NRG3: variants seen among roughly 807,000 people sequenced by gnomAD.
NRG3 encodes the protein neuregulin 3, also known as pro-neuregulin-3, membrane-bound isoform.
A neutral mutation model predicts 66.9 loss-of-function variants in NRG3; 31 were observed. That is an observed-to-expected ratio of 0.46 (90% CI 0.35 to 0.63). The LOEUF (loss-of-function observed/expected upper bound fraction) is 0.63, where lower values mean the gene tolerates loss of function less well. Among genes scored for constraint, NRG3 ranks in the 20% least tolerant of loss-of-function variants. The pLI, the probability that NRG3 is intolerant of heterozygous loss-of-function variation, is 0.00. For missense variants in NRG3, 910 were observed against 878.9 expected, an observed-to-expected ratio of 1.04 and a Z score of -0.45; for synonymous variants, 393 against 359.4, an observed-to-expected ratio of 1.09 and a Z score of -1.06.
chr10:82,878,228 G>T (rs766464126), intron 4 of NRG3, among the ~76,000 whole-genome samples: 2 of 152,212 alleles, frequency 1.3e-5, no homozygotes, highest in Non-Finnish European at 2.9e-5. Flanking sequence ...GGACAAACTT[G>T]ATGTAGTTGG....
At chr10:82,638,198 T>C (rs1273964222) in intron 2 of NRG3, among the ~76,000 whole-genome samples, 2 of 152,176 alleles carry the variant, frequency 1.3e-5, no homozygotes, top group African/African-American at 4.8e-5. Context: ...GATGAAATGC[T>C]CTTGGTACAG....
At chr10:82,742,109 C>A (rs924180595) in intron 3 of NRG3, among the ~76,000 whole-genome samples, 2 of 152,100 alleles carry the variant, frequency 1.3e-5, no homozygotes, top group East Asian at 3.9e-4. Flanking sequence ...CATCTTCCTT[C>A]CTTCCTCCCT....
intron 2 of NRG3, among the ~76,000 whole-genome samples, chr10:82,578,552 A>G (rs2046171353): frequency 6.6e-6 from 1 of 151,650 alleles, no homozygotes; most frequent in South Asian, 2.1e-4. Flanking sequence ...TAAAGGTAGT[A>G]TTATTCATAT....
rs369510041 is a variant in NRG3, at chr10:82,474,113, C to T, written c.953+115245C>T. On this transcript the variant is annotated intron_variant, in intron 2 of 8. Transcript: ENST00000372141. ...TTATGTCATACCGATGAGTGAATGC[C>T]TTCTTCTGCATGGACTATGTGCAGA... is the stretch of plus-strand genomic sequence containing the variant. 5.3e-5 allele frequency among the ~76,000 whole-genome samples: 8 copies of T among 151,970 alleles called. No individual in the cohort carries two copies. The East Asian group carries it at 1.4e-3, about 26-fold the overall frequency.
intron 4 of NRG3, among the ~76,000 whole-genome samples, chr10:82,879,178 T>C (rs1351678576): frequency 6.6e-6 from 1 of 152,232 alleles, no homozygotes; most frequent in African/African-American, 2.4e-5. Flanking sequence ...AAATAAGTTC[T>C]GTGATAGTAG....
chr10:82,545,244 T>C (rs2043812988), intron 2 of NRG3, among the ~76,000 whole-genome samples: 1 of 152,170 alleles, frequency 6.6e-6, no homozygotes, highest in Non-Finnish European at 1.5e-5. Context: ...CCTCTTTTAG[T>C]GTAATTATTT....
intron 2 of NRG3, among the ~76,000 whole-genome samples, chr10:82,406,177 T>A (rs533148515): frequency 6.6e-6 from 1 of 152,314 alleles, no homozygotes; most frequent in African/African-American, 2.4e-5. Context: ...ATTTTCTGCA[T>A]AGCAATTATA....
chr10:82,391,621 C>G (rs1428539608), intron 2 of NRG3, among the ~76,000 whole-genome samples: 1 of 152,108 alleles, frequency 6.6e-6, no homozygotes, highest in Non-Finnish European at 1.5e-5. Context: ...TGTGTGGTCA[C>G]AGGAATGACT....
At chr10:82,483,554 C>T (rs1842453246) in intron 2 of NRG3, among the ~76,000 whole-genome samples, 1 of 152,026 alleles carries the variant, frequency 6.6e-6, no homozygotes, top group African/African-American at 2.4e-5. Context: ...GTAGGTGTTT[C>T]CCCTCTGTTT....
intron 1 of NRG3, among the ~76,000 whole-genome samples, chr10:82,216,523 CAT>C (rs142537406): frequency 0.11 from 15,813 of 144,486 alleles, 932 homozygotes; most frequent in Middle Eastern, 0.19. Flanking sequence ...CATATATGCA[CAT>C]ATATGTGTGT....
chr10:82,145,544 A>G (rs2070180962), intron 1 of NRG3, among the ~76,000 whole-genome samples: 1 of 152,150 alleles, frequency 6.6e-6, no homozygotes, highest in Non-Finnish European at 1.5e-5. Context: ...TATTAAAACC[A>G]CCAGTGATTT....
intron 1 of NRG3, among the ~76,000 whole-genome samples, chr10:82,270,519 T>C (rs187708242): frequency 6.6e-6 from 1 of 152,262 alleles, no homozygotes; most frequent in East Asian, 1.9e-4. Context: ...ACCTCTTTGC[T>C]TTCCTGCTTC....
intron 4 of NRG3, among the ~76,000 whole-genome samples, chr10:82,907,149 G>A (rs1034804753): frequency 8.5e-5 from 13 of 152,104 alleles, no homozygotes; most frequent in African/African-American, 2.2e-4. Flanking sequence ...CTCTTGGGGC[G>A]CTGTCTACCC....
At chr10:82,091,062 TG>T (rs1222266002) in intron 1 of NRG3, among the ~76,000 whole-genome samples, 1 of 151,488 alleles carries the variant, frequency 6.6e-6, no homozygotes, top group African/African-American at 2.5e-5. Flanking sequence ...AAGACTAGTT[TG>T]TTTTTTTTTT....
chr10:82,378,057 T>G (rs1469957533), intron 2 of NRG3, among the ~76,000 whole-genome samples: 1 of 152,204 alleles, frequency 6.6e-6, no homozygotes, highest in Non-Finnish European at 1.5e-5. Context: ...TAAGGATAGG[T>G]GGAGGTTTTA....
intron 2 of NRG3, among the ~76,000 whole-genome samples, chr10:82,613,431 T>A (rs1427510974): frequency 1.3e-5 from 2 of 151,416 alleles, no homozygotes; most frequent in Non-Finnish European, 2.9e-5. Context: ...AAAAAAATAA[T>A]TAATTAATTA....
intron 4 of NRG3, among the ~76,000 whole-genome samples, chr10:82,924,980 T>A (rs991260339): frequency 2.0e-5 from 3 of 152,154 alleles, no homozygotes; most frequent in African/African-American, 7.2e-5. Context: ...CTTTTTGGAG[T>A]GATTACTCAT....
At chr10:82,461,069 G>A (rs947083612) in intron 2 of NRG3, among the ~76,000 whole-genome samples, 6 of 143,870 alleles carry the variant, frequency 4.2e-5, no homozygotes, top group African/African-American at 7.8e-5. Flanking sequence ...CAGCACTACC[G>A]CCACCATCAA....
intron 3 of NRG3, among the ~76,000 whole-genome samples, chr10:82,773,915 A>G (rs1425266979): frequency 6.6e-6 from 1 of 152,212 alleles, no homozygotes; most frequent in African/African-American, 2.4e-5. Flanking sequence ...TATCAAGAAA[A>G]GATACTGAAC....
Sources: gnomAD v4.1 joint callset for allele counts (sites outside exome capture counted in the v4.1 genomes callset) on GRCh38, gnomAD v4.1.1 for gene constraint, MANE v1.5 for transcripts, NCBI Gene and HGNC (gene_info 2026-07-23, HGNC 2026-07-21) for gene names.